CREB5: variants seen among roughly 807,000 people sequenced by gnomAD.
The protein encoded by CREB5 is cAMP responsive element binding protein 5, also known as cyclic AMP-responsive element-binding protein 5.
CREB5 carries 19 observed loss-of-function variants against 57.1 expected under a neutral mutation model. That is an observed-to-expected ratio of 0.33 (90% CI 0.23 to 0.49). The LOEUF (loss-of-function observed/expected upper bound fraction) is 0.49, where lower values mean the gene tolerates loss of function less well. Among genes scored for constraint, CREB5 ranks in the 20% least tolerant of loss-of-function variants. The pLI, the probability that CREB5 is intolerant of heterozygous loss-of-function variation, is 0.99. For synonymous variants in CREB5, 238 were observed against 238.3 expected (o/e 1.00, Z 0.01); for missense variants, 579 against 671.6 (o/e 0.86, Z 1.52).
intron 4 of CREB5, among the ~76,000 whole-genome samples, chr7:28,531,481 A>G (rs1793726028): frequency 6.6e-6 from 1 of 152,112 alleles, no homozygotes; most frequent in Non-Finnish European, 1.5e-5. Context: ...CCCTTTTCAT[A>G]AGGACACCAC....
chr7:28,463,802 A>G (rs1253581964), intron 1 of CREB5, among the ~76,000 whole-genome samples: 1 of 152,150 alleles, frequency 6.6e-6, no homozygotes, highest in Non-Finnish European at 1.5e-5. Context: ...GTTGGTCTCA[A>G]TAGTTTCTTT....
intron 4 of CREB5, among the ~76,000 whole-genome samples, chr7:28,560,931 T>TGCGCGCGCGCGTGC (rs1467935536): frequency 1.0e-4 from 5 of 48,532 alleles, no homozygotes; most frequent in Admixed American, 3.8e-4. Flanking sequence ...TGCGCGTGCG[T>TGCGCGCGCGCGTGC]GTGTGCGTGC....
At chr7:28,650,393 A>C (rs1255911374) in intron 5 of CREB5, among the ~76,000 whole-genome samples, 1 of 152,160 alleles carries the variant, frequency 6.6e-6, no homozygotes, top group African/African-American at 2.4e-5. Flanking sequence ...TGCTGTCTTC[A>C]TAAAGCAGTA....
rs1554283282 is a variant in CREB5 at position 28,672,182 on chromosome 7, A to ACACACAC, written c.465-46571_465-46570insCACACAC. Among the ~76,000 whole-genome samples the ACACACAC allele has an allele frequency of 3.7e-4, 34 of 92,284 alleles. 1 individual carries two copies. Among genetic ancestry groups the ACACACAC allele is most frequent in the Non-Finnish European group, 4.8e-4 (18 of 37,682 alleles). The allele number at this position is 92,284 out of a possible 152,430, so 60.5% of individuals were successfully genotyped here. On this transcript the variant is annotated intron_variant, in intron 5 of 10. Transcript: ENST00000357727. ...GAGATCAGTTGTATTATGGAAAAAA[A>ACACACAC]AAAAAAACACACACACACACACACA...
intron 4 of CREB5, among the ~76,000 whole-genome samples, chr7:28,560,919 T>TGTGCGTGCGCGC: frequency 2.3e-5 from 1 of 42,990 alleles, no homozygotes; most frequent in Admixed American, 2.1e-4. Context: ...CGTGTGCGTG[T>TGTGCGTGCGCGC]GTGCGCGTGC....
intron 6 of CREB5, among the ~76,000 whole-genome samples, chr7:28,722,197 G>T (rs994183417): frequency 6.6e-6 from 1 of 152,206 alleles, no homozygotes; most frequent in Non-Finnish European, 1.5e-5. Flanking sequence ...CCAAAAAGTG[G>T]GAAGCGTTGC....
intron 7 of CREB5, among the ~76,000 whole-genome samples, chr7:28,751,225 G>A (rs1453769730): frequency 6.6e-6 from 1 of 151,500 alleles, no homozygotes; most frequent in Non-Finnish European, 1.5e-5. Context: ...CTGTGGAGAG[G>A]AAAGGCATTC....
rs538190996 is a variant in CREB5, at chr7:28,799,639, G to T, written c.703-4560G>T. Reference sequence around the variant, plus strand: ...AGTTGTTTGTAGCTTTGAAGGGATGGCACAATGACCCACTCCTACATAGAT... The same window carrying T: ...AGTTGTTTGTAGCTTTGAAGGGATGTCACAATGACCCACTCCTACATAGAT... On this transcript the variant is annotated intron_variant, in intron 7 of 10. Coordinates refer to ENST00000357727, the MANE Select transcript of CREB5 (RefSeq NM_182898.4). Among the ~76,000 whole-genome samples, 4 of 152,216 alleles carry T rather than the reference G, an allele frequency of 2.6e-5. No homozygotes were observed. In the South Asian group the frequency reaches 6.2e-4, roughly 24 times the overall value.
chr7:28,395,432 C>T (rs560558937), intron 1 of CREB5, among the ~76,000 whole-genome samples: 1 of 152,316 alleles, frequency 6.6e-6, no homozygotes, highest in South Asian at 2.1e-4. Flanking sequence ...GAGGTCCTGC[C>T]TTCTCACTGA....
At chr7:28,522,036 C>A (rs1018944297) in intron 4 of CREB5, among the ~76,000 whole-genome samples, 7 of 152,112 alleles carry the variant, frequency 4.6e-5, no homozygotes, top group Non-Finnish European at 8.8e-5. Context: ...TTGTCAGGTG[C>A]CGTTCTAGAA....
At chr7:28,667,327 T>C (rs903349016) in intron 5 of CREB5, among the ~76,000 whole-genome samples, 2 of 150,972 alleles carry the variant, frequency 1.3e-5, no homozygotes, top group Non-Finnish European at 2.9e-5. Context: ...AAGTTTTGTT[T>C]GGGGCAATTA....
rs553058884 is a variant in CREB5 at position 28,820,612 on chromosome 7, T to C, written c.*1333T>C. ...GAGGTGCAGGCTACTTCACTCTTTT[T>C]TTTTCTTTTTTGAGACAGAGTCTCA... On this transcript the variant is annotated 3_prime_UTR_variant, in exon 11 of 11. Transcript: ENST00000357727. 2 of 152,472 alleles carry C rather than the reference T, an allele frequency of 1.3e-5. No homozygotes were observed. Among genetic ancestry groups the C allele is most frequent in the South Asian group, 4.2e-4 (2 of 4,786 alleles). The allele number at this position is 152,472 out of a possible 1,614,324, so 9.4% of individuals were successfully genotyped here.
intron 7 of CREB5, among the ~76,000 whole-genome samples, chr7:28,785,522 T>G (rs1379206063): frequency 6.6e-6 from 1 of 152,192 alleles, no homozygotes; most frequent in Non-Finnish European, 1.5e-5. Context: ...TTCTTTTTGT[T>G]TTTTCCAGGA....
chr7:28,560,859 C>CGTGCGTGT (rs1795110867), intron 4 of CREB5, among the ~76,000 whole-genome samples: 1 of 32,724 alleles, frequency 3.1e-5, no homozygotes, highest in Non-Finnish European at 6.4e-5. Flanking sequence ...TGTGTGTGTG[C>CGTGCGTGT]GTGTGCCTGC....
At chr7:28,464,496 C>CGT (rs71555745) in intron 1 of CREB5, among the ~76,000 whole-genome samples, 9,454 of 139,460 alleles carry the variant, frequency 0.068, 309 homozygotes, top group East Asian at 0.1. Flanking sequence ...TGGAAAGTTG[C>CGT]GTGTGTGTGT....
At chr7:28,818,905 C>T in intron 10 of CREB5, 1 of 601,748 alleles carries the variant, frequency 1.7e-6, no homozygotes, top group South Asian at 1.9e-5. Context: ...GAAAGCATGG[C>T]TTTGCTCGTA....
intron 1 of CREB5, among the ~76,000 whole-genome samples, chr7:28,388,142 G>T (rs1009273572): frequency 1.3e-5 from 2 of 152,198 alleles, no homozygotes; most frequent in South Asian, 4.1e-4. Flanking sequence ...AGGCCCTGCA[G>T]GTCACTACCC....
intron 1 of CREB5, among the ~76,000 whole-genome samples, chr7:28,435,221 G>A (rs1406489597): frequency 6.6e-6 from 1 of 151,302 alleles, no homozygotes; most frequent in East Asian, 2.0e-4. Flanking sequence ...TAATTTACAA[G>A]GCTGTTCTGA....
intron 1 of CREB5, among the ~76,000 whole-genome samples, chr7:28,388,920 A>C (rs546700410): frequency 1.3e-5 from 2 of 152,364 alleles, no homozygotes; most frequent in Admixed American, 6.5e-5. Context: ...TGAGATAAGA[A>C]GACTGCATCT....
Sources: gnomAD v4.1 joint callset for allele counts (sites outside exome capture counted in the v4.1 genomes callset) on GRCh38, gnomAD v4.1.1 for gene constraint, MANE v1.5 for transcripts, NCBI Gene and HGNC (gene_info 2026-07-23, HGNC 2026-07-21) for gene names.